BAALC: variants seen among roughly 807,000 people sequenced by gnomAD.
BAALC encodes the protein brain and acute leukemia cytoplasmic protein.
BAALC carries 9 observed loss-of-function variants against 15.5 expected under a neutral mutation model. That is an observed-to-expected ratio of 0.58 (90% CI 0.35 to 1.02). BAALC has a LOEUF of 1.02. Among genes scored for constraint, BAALC ranks in the 50% least tolerant of loss-of-function variants. The probability of loss-of-function intolerance (pLI) is 0.02; values close to 1 mark genes in which losing one functional copy is unlikely to be tolerated. For synonymous variants in BAALC, 80 were observed against 74.6 expected (o/e 1.07, Z -0.37); for missense variants, 201 against 192.4 (o/e 1.04, Z -0.27).
intron 2 of BAALC, among the ~76,000 whole-genome samples, chr8:103,220,837 A>G (rs1363934970): frequency 1.3e-5 from 2 of 152,212 alleles, no homozygotes; most frequent in African/African-American, 2.4e-5. Context: ...TTATAATTAA[A>G]AATACTACTT....
intron 1 of BAALC, among the ~76,000 whole-genome samples, chr8:103,212,119 G>A (rs549545525): frequency 3.4e-4 from 52 of 152,162 alleles, no homozygotes; most frequent in Non-Finnish European, 5.7e-4. Context: ...CACATACTCA[G>A]TCCAACACTT....
Position 103,213,832 on chromosome 8 carries a change from T to C in BAALC, c.327+747T>C, listed in dbSNP as rs192217121. ...TACCCTAGGCTCCATACCCATTTTC[T>C]CCTATCTCTTCTGTCAAAATTATAC... On this transcript the variant is annotated intron_variant, in intron 2 of 2. Coordinates refer to ENST00000309982, the MANE Select transcript of BAALC (RefSeq NM_024812.3). 1.7e-3 allele frequency among the ~76,000 whole-genome samples: 261 copies of C among 152,256 alleles called. 11 individuals carry two copies. In the South Asian group the frequency reaches 0.029, roughly 17 times the overall value.
intron 1 of BAALC, among the ~76,000 whole-genome samples, chr8:103,168,528 G>A (rs1393211492): frequency 6.8e-6 from 1 of 146,902 alleles, no homozygotes. Flanking sequence ...TTTTTTTAAT[G>A]TGAATGCATC....
At chr8:103,156,569 T>C (rs766925487) in intron 1 of BAALC, among the ~76,000 whole-genome samples, 6 of 152,114 alleles carry the variant, frequency 3.9e-5, no homozygotes, top group Non-Finnish European at 8.8e-5. Context: ...ATGGCCTGAG[T>C]TGTTTTCTCA....
At chr8:103,173,536 TG>T (rs1400700620) in intron 1 of BAALC, among the ~76,000 whole-genome samples, 2 of 152,208 alleles carry the variant, frequency 1.3e-5, no homozygotes, top group Admixed American at 1.3e-4. Flanking sequence ...ACAATTACCA[TG>T]AAACAGAAGA....
chr8:103,208,072 C>T (rs549508093), intron 1 of BAALC: 3 of 152,024 alleles, frequency 2.0e-5, no homozygotes, highest in African/African-American at 7.3e-5. Context: ...TTTCATCATA[C>T]TCAGTAAGCC....
chr8:103,202,536 C>A (rs1812240613), intron 1 of BAALC, among the ~76,000 whole-genome samples: 1 of 152,124 alleles, frequency 6.6e-6, no homozygotes, highest in Non-Finnish European at 1.5e-5. Context: ...GCAGCCTGAG[C>A]AGACTAATAC....
At chr8:103,156,302 C>T (rs976028422) in intron 1 of BAALC, among the ~76,000 whole-genome samples, 2 of 152,128 alleles carry the variant, frequency 1.3e-5, no homozygotes, top group African/African-American at 4.8e-5. Flanking sequence ...CATTTCTCAC[C>T]GTGAAGGCAG....
At chr8:103,203,812 CTTTA>C (rs140618374) in intron 1 of BAALC, among the ~76,000 whole-genome samples, 7,605 of 152,048 alleles carry the variant, frequency 0.05, 211 homozygotes, top group South Asian at 0.1. Flanking sequence ...ACATAAAATA[CTTTA>C]TTTATCTATT....
intron 1 of BAALC, among the ~76,000 whole-genome samples, chr8:103,143,506 T>TCACTA (rs1380455299): frequency 6.6e-6 from 1 of 152,090 alleles, no homozygotes; most frequent in Non-Finnish European, 1.5e-5. Context: ...AAAAATGGCT[T>TCACTA]CACTACTAGA....
chr8:103,173,197 G>A (rs927461696), intron 1 of BAALC, among the ~76,000 whole-genome samples: 1 of 152,170 alleles, frequency 6.6e-6, no homozygotes, highest in Non-Finnish European at 1.5e-5. Flanking sequence ...CTTACTGCAA[G>A]TTGGTGCATC....
chr8:103,199,679 C>G (rs114902851), intron 1 of BAALC, among the ~76,000 whole-genome samples: 220 of 150,762 alleles, frequency 1.5e-3, no homozygotes, highest in African/African-American at 5.0e-3. Context: ...CTTTTAAGTT[C>G]AGGGGTACAA....
chr8:103,201,277 C>T (rs62528478), intron 1 of BAALC, among the ~76,000 whole-genome samples: 10,089 of 152,210 alleles, frequency 0.066, 465 homozygotes, highest in Non-Finnish European at 0.1. Flanking sequence ...AAATCAGCCA[C>T]CAGAGGGGCA....
chr8:103,160,813 G>A (rs974734378), intron 1 of BAALC, among the ~76,000 whole-genome samples: 1 of 152,092 alleles, frequency 6.6e-6, no homozygotes, highest in Non-Finnish European at 1.5e-5. Context: ...AGGCTGGGAG[G>A]CTAGGCCAGT....
At chr8:103,144,185 T>A (rs1185868984) in intron 1 of BAALC, among the ~76,000 whole-genome samples, 1 of 152,242 alleles carries the variant, frequency 6.6e-6, no homozygotes, top group Non-Finnish European at 1.5e-5. Context: ...ATTTGTTGAA[T>A]GAATTCTGAA....
intron 1 of BAALC, among the ~76,000 whole-genome samples, chr8:103,199,763 T>TGA (rs1456793700): frequency 6.8e-6 from 1 of 148,076 alleles, no homozygotes; most frequent in African/African-American, 2.5e-5. Flanking sequence ...ACCCAGGTAT[T>TGA]AAGTCTAGTA....
chr8:103,223,751 A>G lies in BAALC; in HGVS notation c.328-4238A>G, dbSNP rs12543397. Among the ~76,000 whole-genome samples the G allele has an allele frequency of 6.5e-3, 992 of 152,334 alleles. 34 individuals carry two copies. The highest frequency in any genetic ancestry group is 0.055 in the Admixed American group (847 of 15,298). Reference sequence around the variant, plus strand: ...TTTAAGCTTAGAAGTACAGACTGAAATAAAGAGCTTTGTATCATCTGTGTA... The same window carrying G: ...TTTAAGCTTAGAAGTACAGACTGAAGTAAAGAGCTTTGTATCATCTGTGTA... On this transcript the variant is annotated intron_variant, in intron 2 of 2. Coordinates refer to ENST00000309982, the MANE Select transcript of BAALC (RefSeq NM_024812.3).
At chr8:103,172,391 C>CTTTTT (rs36037103) in intron 1 of BAALC, among the ~76,000 whole-genome samples, 25 of 100,134 alleles carry the variant, frequency 2.5e-4, no homozygotes, top group Non-Finnish European at 4.0e-4. Flanking sequence ...TTCTGGCTTG[C>CTTTTT]TTTTTTTTTT....
chr8:103,191,561 C>T (rs1378588629), intron 1 of BAALC: 1 of 152,096 alleles, frequency 6.6e-6, no homozygotes, highest in Non-Finnish European at 1.5e-5. Flanking sequence ...TTCAATTTTT[C>T]TGTCTTCAAA....
Sources: allele counts gnomAD v4.1 joint callset (sites outside exome capture counted in the v4.1 genomes callset), GRCh38; gene constraint gnomAD v4.1.1; transcripts MANE v1.5; gene names NCBI Gene and HGNC (gene_info 2026-07-23, HGNC 2026-07-21).